OCA2: variants seen among roughly 807,000 people sequenced by gnomAD.
The protein encoded by OCA2 is OCA2 melanosomal transmembrane protein.
In OCA2, 77 loss-of-function variants were observed where a neutral mutation model predicts 100.2. That is an observed-to-expected ratio of 0.77 (90% confidence interval 0.64 to 0.93). The LOEUF is 0.93. Among genes scored for constraint, OCA2 ranks in the 40% least tolerant of loss-of-function variants. OCA2 has a pLI of 0.00. For synonymous variants in OCA2, 432 were observed against 439.2 expected (o/e 0.98, Z 0.21); for missense variants, 1,062 against 1,089.1 (o/e 0.98, Z 0.35).
chr15:27,955,062 A>C, intron 17 of OCA2, 96 bp downstream of exon 17: 1 of 895,908 alleles, frequency 1.1e-6, no homozygotes, highest in Non-Finnish European at 1.9e-6. Flanking sequence ...ATAAAAAGAG[A>C]AACGGCATTC....
chr15:27,884,329 C>T (rs1992908), intron 19 of OCA2, among the ~76,000 whole-genome samples: 14,027 of 152,162 alleles, frequency 0.092, 1,450 homozygotes, highest in African/African-American at 0.25. Flanking sequence ...GAACCGAAAT[C>T]GCACCACTGC....
chr15:27,777,158 G>A (rs1457956422), intron 23 of OCA2, among the ~76,000 whole-genome samples: 1 of 152,118 alleles, frequency 6.6e-6, no homozygotes, highest in Non-Finnish European at 1.5e-5. Context: ...CCCTGAGCAG[G>A]GTGGCTCTAG....
chr15:28,096,311 T>C (rs1008578734), intron 1 of OCA2, among the ~76,000 whole-genome samples: 2 of 151,790 alleles, frequency 1.3e-5, no homozygotes, highest in Non-Finnish European at 2.9e-5. Flanking sequence ...TGTGGTCGTG[T>C]CTCCGGGGGC....
At chr15:28,027,763 A>G (rs1179867853) in intron 4 of OCA2, 108 bp downstream of exon 4, 5 of 1,210,614 alleles carry the variant, frequency 4.1e-6, no homozygotes, top group Non-Finnish European at 5.9e-6. Flanking sequence ...CAGATGAGAC[A>G]AAACTCATCC....
intron 14 of OCA2, among the ~76,000 whole-genome samples, chr15:27,982,832 T>C (rs2041212760): frequency 6.6e-6 from 1 of 152,208 alleles, no homozygotes; most frequent in African/African-American, 2.4e-5. Flanking sequence ...GTAGAATACC[T>C]TGCACTTTCT....
intron 3 of OCA2, among the ~76,000 whole-genome samples, chr15:28,029,848 G>C (rs574321814): frequency 6.6e-6 from 1 of 152,298 alleles, no homozygotes; most frequent in East Asian, 1.9e-4. Flanking sequence ...ACCTTAATTA[G>C]CTTCATGCAA....
chr15:27,720,836 A>C, the OCA2 span, among the ~76,000 whole-genome samples: 1 of 152,068 alleles, frequency 6.6e-6, no homozygotes, highest in Non-Finnish European at 1.5e-5. Context: ...AAAGAAGTAC[A>C]CTCTTACTCA....
chr15:28,070,643 C>A (rs1477193117), intron 2 of OCA2, among the ~76,000 whole-genome samples: 7 of 148,172 alleles, frequency 4.7e-5, no homozygotes, highest in Non-Finnish European at 1.0e-4. Flanking sequence ...TGCCCGGCCA[C>A]CACCCCGTCT....
intron 23 of OCA2, among the ~76,000 whole-genome samples, chr15:27,785,384 A>G (rs1432968535): frequency 6.6e-6 from 1 of 152,228 alleles, no homozygotes; most frequent in Non-Finnish European, 1.5e-5. Context: ...ATATTCATCA[A>G]TATATGAACG....
intron 23 of OCA2, among the ~76,000 whole-genome samples, chr15:27,802,103 G>C (rs1366211686): frequency 6.6e-6 from 1 of 152,110 alleles, no homozygotes; most frequent in Non-Finnish European, 1.5e-5. Context: ...AGTGTAGTAA[G>C]GCTGCAGGAT....
intron 23 of OCA2, among the ~76,000 whole-genome samples, chr15:27,776,236 T>G (rs1275919782): frequency 6.6e-6 from 1 of 152,206 alleles, no homozygotes; most frequent in Non-Finnish European, 1.5e-5. Flanking sequence ...TATACCCTTC[T>G]CAGTGGCAGT....
Position 27,908,428 on chromosome 15 carries a change from C to T in OCA2, c.2079+17699G>A, listed in dbSNP as rs558811347. On this transcript the variant is annotated intron_variant, in intron 19 of 23. Transcript: ENST00000354638. ...TAGGTATATATATCTAATCCTAAAG[C>T]CAGTATCATATTTAATAGAGAAATA... Among the ~76,000 whole-genome samples, 25 of 152,136 alleles carry T rather than the reference C, an allele frequency of 1.6e-4. No homozygotes were observed. In the South Asian group the frequency reaches 3.9e-3, roughly 24 times the overall value.
intron 19 of OCA2, among the ~76,000 whole-genome samples, chr15:27,910,658 TAAA>T (rs112178150): frequency 2.0e-5 from 3 of 147,820 alleles, no homozygotes; most frequent in East Asian, 2.0e-4. Flanking sequence ...TTATTTATGT[TAAA>T]AAAAAAAAAC....
the OCA2 span, among the ~76,000 whole-genome samples, chr15:27,747,226 A>G: frequency 6.6e-6 from 1 of 152,180 alleles, no homozygotes; most frequent in South Asian, 2.1e-4. Context: ...TGACAGTCAC[A>G]TGGGGCAAGG....
chr15:28,025,523 G>A (rs1013270115), intron 4 of OCA2, among the ~76,000 whole-genome samples: 5 of 152,190 alleles, frequency 3.3e-5, no homozygotes, highest in Admixed American at 2.0e-4. Flanking sequence ...ACCTGGGCCT[G>A]GCCTGCACTC....
chr15:27,776,974 T>TGGGGGGGGGGGGGGGGG (rs368182175), intron 23 of OCA2, among the ~76,000 whole-genome samples: 1 of 43,174 alleles, frequency 2.3e-5, no homozygotes, highest in Admixed American at 2.4e-4. Context: ...GAGCGTGAGG[T>TGGGGGGGGGGGGGGGGG]GGGGGGGGGT....
intron 19 of OCA2, among the ~76,000 whole-genome samples, chr15:27,873,748 T>C (rs1234395508): frequency 6.6e-6 from 1 of 152,172 alleles, no homozygotes. Context: ...TTGCACCTAA[T>C]AACTCAGCTC....
rs1555403548 is a variant in OCA2, at chr15:27,770,915, C to CTCCCTCCTTTTTCTTCCTTCCT, written c.2433-15444_2433-15443insAGGAAGGAAGAAAAAGGAGGGA. Among the ~76,000 whole-genome samples, 19 of 111,456 alleles carry CTCCCTCCTTTTTCTTCCTTCCT rather than the reference C, an allele frequency of 1.7e-4. 1 individual carries two copies. The highest frequency in any genetic ancestry group is 3.3e-4 in the African/African-American group (8 of 24,486). 73.1% of individuals were successfully genotyped at this position (111,456 alleles called of 152,430 possible). On this transcript the variant is annotated intron_variant, in intron 23 of 23. Transcript: ENST00000354638. ...CCATCTCCTTTTCCTTCCTTCCCTC[C>CTCCCTCCTTTTTCTTCCTTCCT]TCCCTCCCTCTTTTCCTTTCTTCCT...
intron 9 of OCA2, among the ~76,000 whole-genome samples, chr15:28,012,933 G>A (rs77894130): frequency 0.013 from 2,049 of 152,284 alleles, 43 homozygotes; most frequent in African/African-American, 0.047. Flanking sequence ...GTTACTAAGG[G>A]AAGAGCTCAT....
Sources: allele counts gnomAD v4.1 joint callset (sites outside exome capture counted in the v4.1 genomes callset), GRCh38; gene constraint gnomAD v4.1.1; transcripts MANE v1.5; gene names NCBI Gene and HGNC (gene_info 2026-07-23, HGNC 2026-07-21).